NEK1: variants seen among roughly 807,000 people sequenced by gnomAD.
NEK1 encodes serine/threonine-protein kinase Nek1.
A neutral mutation model predicts 182.1 loss-of-function variants in NEK1; 137 were observed. The ratio of observed to expected loss-of-function variants is 0.75; its 90% CI spans 0.65 to 0.87. NEK1 has a LOEUF of 0.87. NEK1 is among the 40% of genes least tolerant of loss of function. The probability of loss-of-function intolerance (pLI) is 0.00; values close to 1 mark genes in which losing one functional copy is unlikely to be tolerated. For synonymous variants in NEK1, 513 were observed against 492.2 expected, an observed-to-expected ratio of 1.04 and a Z score of -0.56; for missense variants, 1,391 against 1,494.4, an observed-to-expected ratio of 0.93 and a Z score of 1.14.
At chr4:169,450,988 A>C (rs1057372785) in intron 27 of NEK1, among the ~76,000 whole-genome samples, 1 of 152,244 alleles carries the variant, frequency 6.6e-6, no homozygotes, top group African/African-American at 2.4e-5. Flanking sequence ...TTGCCATCCT[A>C]GTCTCTGATA....
At chr4:169,495,446 G>A (rs1751049288) in intron 23 of NEK1, among the ~76,000 whole-genome samples, 1 of 151,882 alleles carries the variant, frequency 6.6e-6, no homozygotes, top group Non-Finnish European at 1.5e-5. Context: ...GTTTCACCGT[G>A]TTAGCCAGGA....
chr4:169,484,280 C>T (rs1420486725), intron 23 of NEK1, among the ~76,000 whole-genome samples: 1 of 152,158 alleles, frequency 6.6e-6, no homozygotes, highest in Non-Finnish European at 1.5e-5. Flanking sequence ...ACTCCTGACC[C>T]CGTGATCTGC....
chr4:169,525,837 C>G (rs1298366262), intron 19 of NEK1, among the ~76,000 whole-genome samples: 2 of 152,196 alleles, frequency 1.3e-5, no homozygotes, highest in Non-Finnish European at 2.9e-5. Context: ...ACAACATAGT[C>G]AAACAGCTAA....
At chr4:169,440,024 T>C (rs1739146297) in intron 27 of NEK1, among the ~76,000 whole-genome samples, 1 of 151,704 alleles carries the variant, frequency 6.6e-6, no homozygotes, top group African/African-American at 2.4e-5. Context: ...TTTTTTATAT[T>C]TTTAGTAGAG....
intron 26 of NEK1, among the ~76,000 whole-genome samples, 158 bp from the exon 27 acceptor site, chr4:169,463,553 A>C (rs536343947): frequency 1.3e-5 from 2 of 152,274 alleles, no homozygotes; most frequent in African/African-American, 4.8e-5. Flanking sequence ...TAATGGCAAG[A>C]ACAGAAGCAA....
rs10027406 is a variant in NEK1, at chr4:169,555,421, G to C, written c.1562+299C>G. 0.23 allele frequency: 75,214 copies of C among 324,912 alleles called. 12,177 individuals are homozygous for C. The highest frequency in any genetic ancestry group is 0.57 in the African/African-American group (26,548 of 46,212). The allele number at this position is 324,912 out of a possible 1,614,324, so 20.1% of individuals were successfully genotyped here. A position where few individuals can be genotyped will look rare whatever the true frequency, so the allele number is the denominator to read the frequency against. ...GATTTATATCCTGATTTATTTAAAGGAAGTGGGTGATAAAATGTTATAATT... is the reference window on the plus strand; with the variant it reads ...GATTTATATCCTGATTTATTTAAAGCAAGTGGGTGATAAAATGTTATAATT... On this transcript the variant is annotated intron_variant, in intron 18 of 35. Transcript: ENST00000507142.
At chr4:169,549,582 C>T (rs1761104163) in intron 18 of NEK1, among the ~76,000 whole-genome samples, 1 of 152,078 alleles carries the variant, frequency 6.6e-6, no homozygotes, top group African/African-American at 2.4e-5. Flanking sequence ...GCCACCATGC[C>T]TGGCTAATTT....
At chr4:169,435,996 T>G (rs1738343301) in intron 28 of NEK1, among the ~76,000 whole-genome samples, 1 of 152,198 alleles carries the variant, frequency 6.6e-6, no homozygotes. Context: ...CTCAAACTCT[T>G]GGGCTCAAGT....
chr4:169,453,521 C>T (rs998966353), intron 27 of NEK1, among the ~76,000 whole-genome samples: 12 of 152,290 alleles, frequency 7.9e-5, no homozygotes, highest in South Asian at 4.1e-4. Flanking sequence ...ATGGCCATAA[C>T]GCCCATGCTG....
intron 5 of NEK1, among the ~76,000 whole-genome samples, chr4:169,596,721 G>A (rs902687223): frequency 6.6e-6 from 1 of 152,158 alleles, no homozygotes; most frequent in Non-Finnish European, 1.5e-5. Flanking sequence ...CTGATGCTAA[G>A]CTACAGTTTA....
chr4:169,409,084 C>A (rs190149968), intron 31 of NEK1, among the ~76,000 whole-genome samples: 2,344 of 152,242 alleles, frequency 0.015, 31 homozygotes, highest in Non-Finnish European at 0.023. Context: ...TTTACATTCC[C>A]ACTAGCAGTG....
intron 19 of NEK1, among the ~76,000 whole-genome samples, chr4:169,515,497 C>T (rs1755035272): frequency 7.6e-6 from 1 of 131,308 alleles, no homozygotes; most frequent in African/African-American, 3.2e-5. Context: ...ATTGCAATAA[C>T]TTCTTTTTTT....
intron 26 of NEK1, among the ~76,000 whole-genome samples, chr4:169,463,758 C>T (rs945478754): frequency 2.6e-5 from 4 of 151,958 alleles, no homozygotes; most frequent in Non-Finnish European, 4.4e-5. Context: ...ATATACATAA[C>T]GAGAATCTTG....
In NEK1 at chr4:169,508,289, T is replaced by C; in HGVS notation, c.1792A>G (p.Asn598Asp). The C allele has an allele frequency of 6.3e-7, 1 of 1,594,410 alleles. No individual in the cohort carries two copies. Among genetic ancestry groups the C allele is most frequent in the Non-Finnish European group, 8.5e-7 (1 of 1,170,744 alleles). ...RLRQIRLQNF[N>D]ERQQIKAKLR... Reference sequence around the variant, plus strand: ...TTGGCTTTAATCTGTTGGCGCTCATTGAAATTCTGTAGTCTTATTTGCCTC... The same window carrying C: ...TTGGCTTTAATCTGTTGGCGCTCATCGAAATTCTGTAGTCTTATTTGCCTC... The change falls in exon 21 of 36, where the codon AAT becomes GAT. Residue 598 changes from asparagine to aspartate, a missense_variant. Transcript: ENST00000507142.
chr4:169,562,256 C>T (rs1340230529), intron 12 of NEK1, 60 bp from the exon 13 acceptor site: 2 of 1,166,754 alleles, frequency 1.7e-6, no homozygotes, highest in African/African-American at 1.6e-5. Context: ...TTTGAAAATC[C>T]CAAATTTACA....
chr4:169,466,685 G>A (rs956150804), intron 26 of NEK1, among the ~76,000 whole-genome samples: 6 of 151,932 alleles, frequency 3.9e-5, no homozygotes, highest in Non-Finnish European at 5.9e-5. Context: ...CAGCAGGACT[G>A]TACTACAAAA....
At chr4:169,437,242 G>C (rs1738583722) in intron 28 of NEK1, among the ~76,000 whole-genome samples, 1 of 151,960 alleles carries the variant, frequency 6.6e-6, no homozygotes, top group Non-Finnish European at 1.5e-5. Context: ...TTTACTCATA[G>C]GTCTTCAGAT....
intron 23 of NEK1, among the ~76,000 whole-genome samples, chr4:169,483,788 C>A (rs1055563007): frequency 1.2e-4 from 18 of 151,326 alleles, no homozygotes; most frequent in African/African-American, 3.4e-4. Context: ...ATCACTTGAA[C>A]CCGTGAGGCA....
intron 23 of NEK1, among the ~76,000 whole-genome samples, chr4:169,499,078 A>G (rs1200068983): frequency 6.6e-6 from 1 of 152,220 alleles, no homozygotes; most frequent in Admixed American, 6.5e-5. Flanking sequence ...ACATAGTCCC[A>G]TAATTCTTGG....
Sources: allele counts gnomAD v4.1 joint callset (sites outside exome capture counted in the v4.1 genomes callset), GRCh38; gene constraint gnomAD v4.1.1; transcripts MANE v1.5; gene names NCBI Gene and HGNC (gene_info 2026-07-23, HGNC 2026-07-21).